CPS1: variants seen among roughly 807,000 people sequenced by gnomAD.
CPS1 encodes carbamoyl-phosphate synthase 1, also known as carbamoyl-phosphate synthase [ammonia], mitochondrial.
Under a neutral mutation model 174.6 loss-of-function variants are expected in CPS1, and 109 were observed. The observed-to-expected ratio is 0.62, with a 90% confidence interval of 0.53 to 0.73. CPS1 has a LOEUF of 0.73. Ranked by LOEUF, CPS1 falls within the 30% of genes least tolerant of loss-of-function variation. The pLI is 0.00. For missense variants in CPS1, 1,689 were observed against 1,821.9 expected (o/e 0.93, Z 1.33); for synonymous variants, 637 against 632.0 (o/e 1.01, Z -0.12).
chr2:210,538,183 T>G (rs767944952), intron 1 of CPS1, among the ~76,000 whole-genome samples: 5 of 152,186 alleles, frequency 3.3e-5, no homozygotes, highest in Non-Finnish European at 7.3e-5. Flanking sequence ...GATGCCATTT[T>G]CAGAGTTTTT....
At chr2:210,663,935 G>A (rs1461819860) in intron 33 of CPS1, among the ~76,000 whole-genome samples, 1 of 151,976 alleles carries the variant, frequency 6.6e-6, no homozygotes, top group East Asian at 1.9e-4. Context: ...AGCCATCATT[G>A]TTTCCTCTTG....
Position 210,642,500 on chromosome 2 carries a change from T to A in CPS1, c.2976T>A (p.Phe992Leu). Reference protein sequence around the residue: ...GPYHIGSSVEFDWCAVSSIRT... With the variant: ...GPYHIGSSVELDWCAVSSIRT... ...TCTCTGCAGGCAGCAGTGTGGAATT[T>A]GATTGGTGTGCTGTCTCTAGTATCC... The change falls in exon 25 of 38, where the codon TTT becomes TTA. Residue 992 changes from phenylalanine (F) to leucine (L), a missense_variant. By Grantham distance (22) the Phe-to-Leu change is conservative. Transcript: ENST00000233072. The A allele has an allele frequency of 6.2e-7, 1 of 1,613,968 alleles. No homozygotes were observed. The highest frequency in any genetic ancestry group is 8.5e-7 in the Non-Finnish European group (1 of 1,179,836).
At chr2:210,645,291 A>G (rs1700345579) in intron 25 of CPS1, among the ~76,000 whole-genome samples, 1 of 152,096 alleles carries the variant, frequency 6.6e-6, no homozygotes, top group Non-Finnish European at 1.5e-5. Context: ...GTCAATGATG[A>G]GAATTTGGTT....
At position 210,532,760 on chromosome 2, in the gene CPS1, C is replaced by T. The variant is rs180715265; in HGVS notation, c.4-23959C>T. 2.6e-5 allele frequency among the ~76,000 whole-genome samples: 4 copies of T among 152,204 alleles called. No individual in the cohort carries two copies. In the East Asian group the frequency reaches 7.7e-4, roughly 29 times the overall value. Reference sequence around the variant, plus strand: ...ACCAGTGAGTTTAATGCCAATAAAACAGTTCCTATTCAGGGTGCCTTATAT... The same window carrying T: ...ACCAGTGAGTTTAATGCCAATAAAATAGTTCCTATTCAGGGTGCCTTATAT... On this transcript the variant is annotated intron_variant, in intron 1 of 38. Coordinates refer to the CPS1 transcript ENST00000430249.
chr2:210,651,519 C>T (rs183958220), intron 28 of CPS1, among the ~76,000 whole-genome samples: 2 of 152,324 alleles, frequency 1.3e-5, no homozygotes, highest in Admixed American at 6.5e-5. Flanking sequence ...GGCCAGGGGT[C>T]CTGCCATGCG....
chr2:210,619,169 G>A (rs1313741928), intron 21 of CPS1: 2 of 152,080 alleles, frequency 1.3e-5, no homozygotes, highest in East Asian at 3.9e-4. Flanking sequence ...AGTAAATTAA[G>A]AGAAAAAATA....
At chr2:210,648,809 T>C (rs905037546) in intron 27 of CPS1, among the ~76,000 whole-genome samples, 4 of 152,192 alleles carry the variant, frequency 2.6e-5, no homozygotes, top group Non-Finnish European at 5.9e-5. Flanking sequence ...GGTAGCTTTA[T>C]ATTAAAGAAC....
At chr2:210,594,307 G>A (rs985287577) in intron 11 of CPS1, among the ~76,000 whole-genome samples, 1 of 151,876 alleles carries the variant, frequency 6.6e-6, no homozygotes, top group African/African-American at 2.4e-5. Flanking sequence ...AAGACTTGAA[G>A]TGAACAGAAG....
In CPS1 at chr2:210,642,527, C is replaced by T. The variant is rs1295512357; in HGVS notation, c.3003C>T (p.Arg1001=). 4 of 1,613,962 alleles carry T rather than the reference C, an allele frequency of 2.5e-6. No homozygotes were observed. Among genetic ancestry groups the T allele is most frequent in the Non-Finnish European group, 3.4e-6 (4 of 1,179,890 alleles). ...ATTGGTGTGCTGTCTCTAGTATCCGCACACTGCGTCAACTTGGCAAGAAGA... is the reference window on the plus strand; with the variant it reads ...ATTGGTGTGCTGTCTCTAGTATCCGTACACTGCGTCAACTTGGCAAGAAGA... ...EFDWCAVSSI[R]TLRQLGKKTV... is the part of the protein sequence containing the mutation. Residue 1001 remains arginine (R), a synonymous_variant, in exon 25 of 38, where the codon CGC becomes CGT. Coordinates refer to ENST00000233072, the MANE Select transcript of CPS1 (RefSeq NM_001875.5).
intron 13 of CPS1, among the ~76,000 whole-genome samples, chr2:210,596,935 T>C (rs1698501494): frequency 6.6e-6 from 1 of 151,882 alleles, no homozygotes; most frequent in South Asian, 2.1e-4. Flanking sequence ...ATTTTTAAAC[T>C]AAAAAAATAA....
intron 19 of CPS1, among the ~76,000 whole-genome samples, chr2:210,611,296 G>A (rs1227655074): frequency 6.6e-6 from 1 of 151,836 alleles, no homozygotes; most frequent in Admixed American, 6.6e-5. Context: ...GTCTATTTGA[G>A]GAATCACAAA....
chr2:210,601,863 A>T (rs1698737186), intron 15 of CPS1, among the ~76,000 whole-genome samples: 1 of 151,920 alleles, frequency 6.6e-6, no homozygotes, highest in Admixed American at 6.6e-5. Flanking sequence ...GCATGTAAAA[A>T]TCGTAAAAAT....
Position 210,677,058 on chromosome 2 carries a change from C to T in CPS1, c.4326C>T (p.Asn1442=). 2 of 1,613,610 alleles carry T rather than the reference C, an allele frequency of 1.2e-6. No individual in the cohort carries two copies. The highest frequency in any genetic ancestry group is 1.7e-6 in the Non-Finnish European group (2 of 1,179,540). Reference sequence around the variant, plus strand: ...TAGTGATTAACCTTCCCAACAACAACACTAAATTTGTCCATGATAATTATG... The same window carrying T: ...TAGTGATTAACCTTCCCAACAACAATACTAAATTTGTCCATGATAATTATG... The part of the protein sequence containing the change: ...IDLVINLPNN[N]TKFVHDNYVI... Residue 1442 remains asparagine (N), a synonymous_variant, in exon 37 of 38, where the codon AAC becomes AAT. Coordinates refer to ENST00000233072, the MANE Select transcript of CPS1 (RefSeq NM_001875.5).
intron 1 of CPS1, among the ~76,000 whole-genome samples, chr2:210,500,184 G>A (rs12619519): frequency 0.2 from 29,737 of 151,962 alleles, 3,657 homozygotes; most frequent in Middle Eastern, 0.32. Flanking sequence ...ACCTGATCCC[G>A]CCCTTGACAC....
chr2:210,537,220 CAAACCAA>C (rs1211985191), intron 1 of CPS1, among the ~76,000 whole-genome samples: 2 of 152,124 alleles, frequency 1.3e-5, no homozygotes, highest in African/African-American at 4.8e-5. Flanking sequence ...GGTTAATTTT[CAAACCAA>C]TGAGTGGTGA....
chr2:210,531,709 T>C (rs1371069517), intron 1 of CPS1, among the ~76,000 whole-genome samples: 1 of 152,118 alleles, frequency 6.6e-6, no homozygotes, highest in Non-Finnish European at 1.5e-5. Flanking sequence ...CAAAAAAGAT[T>C]TGGAAACAAG....
intron 1 of CPS1, among the ~76,000 whole-genome samples, chr2:210,566,286 TGA>T (rs1697300013): frequency 6.6e-6 from 1 of 152,160 alleles, no homozygotes; most frequent in South Asian, 2.1e-4. Flanking sequence ...GAGGGGGGAC[TGA>T]GAGGTGGATC....
chr2:210,518,110 A>G (rs1695729324), intron 1 of CPS1, among the ~76,000 whole-genome samples: 1 of 151,936 alleles, frequency 6.6e-6, no homozygotes. Context: ...ACATTTTTGT[A>G]TGTTGTGGTC....
chr2:210,487,824 C>T (rs1282237186), intron 1 of CPS1, among the ~76,000 whole-genome samples: 5 of 152,122 alleles, frequency 3.3e-5, no homozygotes, highest in South Asian at 4.1e-4. Context: ...CATATCAATT[C>T]GTAAAAAGCC....
Sources: gnomAD v4.1 joint callset for allele counts (sites outside exome capture counted in the v4.1 genomes callset) on GRCh38, gnomAD v4.1.1 for gene constraint, MANE v1.5 for transcripts, NCBI Gene and HGNC (gene_info 2026-07-23, HGNC 2026-07-21) for gene names.